Variants in MYO1E observed in about 807,000 individuals in gnomAD.
MYO1E encodes the protein unconventional myosin-Ie.
In MYO1E, 68 loss-of-function variants were observed where a neutral mutation model predicts 151.1. The ratio of observed to expected loss-of-function variants is 0.45; its 90% CI spans 0.37 to 0.55. MYO1E has a LOEUF of 0.55. Ranked by LOEUF, MYO1E falls within the 20% of genes least tolerant of loss-of-function variation. The pLI is 0.00. For synonymous variants in MYO1E, 601 were observed against 501.7 expected, an observed-to-expected ratio of 1.20 and a Z score of -2.64; for missense variants, 1,363 against 1,389.3, an observed-to-expected ratio of 0.98 and a Z score of 0.30.
chr15:59,193,959 G>T (rs377311336), intron 17 of MYO1E, among the ~76,000 whole-genome samples: 3 of 152,124 alleles, frequency 2.0e-5, no homozygotes, highest in Non-Finnish European at 4.4e-5. Context: ...GTTGGATCAC[G>T]AAGTCAGGAG....
chr15:59,331,566 A>C (rs1263354898), intron 1 of MYO1E, among the ~76,000 whole-genome samples: 1 of 152,210 alleles, frequency 6.6e-6, no homozygotes, highest in Non-Finnish European at 1.5e-5. Flanking sequence ...CTTGATTATC[A>C]ACACCAGCCC....
intron 1 of MYO1E, among the ~76,000 whole-genome samples, chr15:59,308,768 G>A (rs2140408942): frequency 1.3e-5 from 2 of 151,596 alleles, no homozygotes; most frequent in South Asian, 2.1e-4. Context: ...GAACCCAGGA[G>A]ACGGAGGTCA....
At chr15:59,233,666 A>AAT (rs1291902908) in intron 5 of MYO1E, among the ~76,000 whole-genome samples, 3,521 of 147,896 alleles carry the variant, frequency 0.024, 84 homozygotes, top group African/African-American at 0.082. Context: ...CCGTCTAAAA[A>AAT]AAAAAAAAAA....
In MYO1E at chr15:59,135,760, C is replaced by T. The variant is rs1267461080; in HGVS notation, c.*1620G>A. ...ATGGACTTGAGGATCCTGAAAGCCTCAAAGGTGTATGCTGCTCAAACTCTA... is the reference window on the plus strand; with the variant it reads ...ATGGACTTGAGGATCCTGAAAGCCTTAAAGGTGTATGCTGCTCAAACTCTA... On this transcript the variant is annotated 3_prime_UTR_variant, in exon 28 of 28. Coordinates refer to ENST00000288235, the MANE Select transcript of MYO1E (RefSeq NM_004998.4). 1 of 152,082 alleles carries T rather than the reference C, an allele frequency of 6.6e-6. No individual in the cohort carries two copies. Among genetic ancestry groups the T allele is most frequent in the African/African-American group, 2.4e-5 (1 of 41,398 alleles). 9.4% of individuals were successfully genotyped at this position (152,082 alleles called of 1,614,324 possible).
At chr15:59,361,188 C>T (rs1184114049) in intron 1 of MYO1E, among the ~76,000 whole-genome samples, 1 of 152,192 alleles carries the variant, frequency 6.6e-6, no homozygotes, top group Non-Finnish European at 1.5e-5. Flanking sequence ...CTAGATCATC[C>T]ATTCCCAGCC....
At chr15:59,171,682 G>A (rs1435575680) in intron 22 of MYO1E, among the ~76,000 whole-genome samples, 1 of 152,178 alleles carries the variant, frequency 6.6e-6, no homozygotes, top group Non-Finnish European at 1.5e-5. Context: ...GGAGCTGTCC[G>A]GAGGCAACCT....
At chr15:59,208,260 G>T (rs111978924) in intron 14 of MYO1E, 18 of 621,192 alleles carry the variant, frequency 2.9e-5, no homozygotes, top group African/African-American at 2.8e-4. Flanking sequence ...CGTGCTGGAC[G>T]ATACTTATTT....
chr15:59,242,164 C>T (rs542446519), intron 4 of MYO1E, among the ~76,000 whole-genome samples: 3 of 152,270 alleles, frequency 2.0e-5, no homozygotes, highest in Non-Finnish European at 4.4e-5. Context: ...TTGCCTTTAC[C>T]TATACAGAAC....
intron 1 of MYO1E, among the ~76,000 whole-genome samples, chr15:59,305,879 C>T (rs1413445361): frequency 6.6e-6 from 1 of 152,098 alleles, no homozygotes; most frequent in Non-Finnish European, 1.5e-5. Flanking sequence ...TTGATCAGAG[C>T]TTCACTGGGG....
In MYO1E at chr15:59,174,194, G is replaced by A. The variant is rs1320093613; in HGVS notation, c.2096C>T (p.Ala699Val). 1.1e-5 allele frequency: 17 copies of A among 1,613,850 alleles called. No homozygotes were observed. The highest frequency in any genetic ancestry group is 1.3e-5 in the Non-Finnish European group (15 of 1,179,962). ...CCTCCATGATTTCTGTATCACTCGA[G>A]CATACCCATCATACTTTCTCTCTCT... Reference protein sequence around the residue: ...EMRERKYDGYARVIQKSWRKF... With the variant: ...EMRERKYDGYVRVIQKSWRKF... The change falls in exon 20 of 28, where the codon GCT becomes GTT. Residue 699 changes from alanine (A) to valine (V), a missense_variant. Ala to Val is a moderately conservative substitution (Grantham distance 64). Transcript: ENST00000288235.
At chr15:59,271,569 T>A (rs79215700) in intron 2 of MYO1E, among the ~76,000 whole-genome samples, 7 of 152,168 alleles carry the variant, frequency 4.6e-5, no homozygotes, top group African/African-American at 1.7e-4. Context: ...GATAATGAAG[T>A]CAACCCATAT....
chr15:59,291,452 G>A (rs2080418017), intron 1 of MYO1E, among the ~76,000 whole-genome samples: 1 of 152,090 alleles, frequency 6.6e-6, no homozygotes, highest in African/African-American at 2.4e-5. Flanking sequence ...TTAAGATACA[G>A]AAGTAGCTGC....
At chr15:59,217,092 C>G (rs1208625040) in intron 10 of MYO1E, among the ~76,000 whole-genome samples, 1 of 152,170 alleles carries the variant, frequency 6.6e-6, no homozygotes, top group Non-Finnish European at 1.5e-5. Flanking sequence ...CTTCAGACAA[C>G]CACAGTTCCA....
intron 1 of MYO1E, among the ~76,000 whole-genome samples, chr15:59,354,097 G>A (rs2080840449): frequency 6.6e-6 from 1 of 152,124 alleles, no homozygotes; most frequent in African/African-American, 2.4e-5. Flanking sequence ...AACATGAAGG[G>A]CAAACATTAA....
intron 24 of MYO1E, 79 bp downstream of exon 24, chr15:59,160,993 GT>G: frequency 6.4e-7 from 1 of 1,565,180 alleles, no homozygotes; most frequent in Non-Finnish European, 8.8e-7. Flanking sequence ...CCCCACATCT[GT>G]GCACATGTTT....
intron 16 of MYO1E, among the ~76,000 whole-genome samples, chr15:59,202,023 A>G (rs1163707268): frequency 1.3e-5 from 2 of 152,228 alleles, no homozygotes; most frequent in African/African-American, 4.8e-5. Context: ...TTTCTCTGAC[A>G]GTTTAACATA....
chr15:59,285,447 C>A (rs1019237723), intron 1 of MYO1E, among the ~76,000 whole-genome samples: 1 of 150,958 alleles, frequency 6.6e-6, no homozygotes, highest in Admixed American at 6.6e-5. Context: ...AACCTCTGCC[C>A]CCCGGCTTCA....
chr15:59,208,944 G>C lies in MYO1E; in HGVS notation c.1363-96C>G, dbSNP rs1337871235. The C allele has an allele frequency of 2.0e-5, 28 of 1,408,068 alleles. No homozygotes were observed. In the South Asian group the frequency reaches 3.3e-4, roughly 17 times the overall value. 87.2% of individuals were successfully genotyped at this position (1,408,068 alleles called of 1,614,324 possible). On this transcript the variant is annotated intron_variant, in intron 13 of 27. Coordinates refer to ENST00000288235, the MANE Select transcript of MYO1E (RefSeq NM_004998.4). ...TCTTAGGCAAGGAAACAGCTCCCCA[G>C]ACTTAAGATACCATCTTGAAAGTCA...
intron 1 of MYO1E, among the ~76,000 whole-genome samples, chr15:59,279,083 T>G (rs2080338313): frequency 6.6e-6 from 1 of 152,154 alleles, no homozygotes; most frequent in Non-Finnish European, 1.5e-5. Flanking sequence ...CACAGATTCA[T>G]TATTTGTGTA....
Sources: gnomAD v4.1 joint callset for allele counts (sites outside exome capture counted in the v4.1 genomes callset) on GRCh38, gnomAD v4.1.1 for gene constraint, MANE v1.5 for transcripts, NCBI Gene and HGNC (gene_info 2026-07-23, HGNC 2026-07-21) for gene names.